The following SORCS2 variants were observed in gnomAD, a reference collection of about 807,000 sequenced individuals.
The protein encoded by SORCS2 is VPS10 domain-containing receptor SorCS2.
In SORCS2, 100 loss-of-function variants were observed where a neutral mutation model predicts 141.6. The ratio of observed to expected loss-of-function variants is 0.71; its 90% CI spans 0.60 to 0.83. The LOEUF (loss-of-function observed/expected upper bound fraction) is 0.83, where lower values mean the gene tolerates loss of function less well. SORCS2 is among the 40% of genes least tolerant of loss of function. The pLI is 0.00. For synonymous variants in SORCS2, 789 were observed against 676.9 expected (o/e 1.17, Z -2.57); for missense variants, 1,646 against 1,560.2 (o/e 1.05, Z -0.93).
intron 2 of SORCS2, among the ~76,000 whole-genome samples, chr4:7,473,079 C>A (rs1168996530): frequency 6.7e-6 from 1 of 148,916 alleles, no homozygotes; most frequent in Non-Finnish European, 1.5e-5. Context: ...TTCCTTGTGG[C>A]CATTGATTAT....
chr4:7,467,529 T>C (rs1273902785), intron 2 of SORCS2, among the ~76,000 whole-genome samples: 2 of 152,242 alleles, frequency 1.3e-5, no homozygotes, highest in African/African-American at 4.8e-5. Context: ...GCAGCTGGGC[T>C]GGAGCCACCC....
At position 7,664,981 on chromosome 4, in the gene SORCS2, A is replaced by G. The variant is rs1354011661; in HGVS notation, c.1071+510A>G. Among the ~76,000 whole-genome samples, 1 of 152,144 alleles carries G rather than the reference A, an allele frequency of 6.6e-6. No homozygotes were observed. The highest frequency in any genetic ancestry group is 1.9e-4 in the East Asian group (1 of 5,186). ...CTTTTCTTCACCTTCATGGATGGGG[A>G]GCTCAGCCCTCCCGAAACAGCCTAG... On this transcript the variant is annotated intron_variant, in intron 7 of 26. Transcript: ENST00000507866. This position sits in a 1 kb window ranked among gnomAD's most constrained non-coding sequence, Gnocchi z 4.7.
At chr4:7,307,785 G>A (rs992129614) in intron 1 of SORCS2, among the ~76,000 whole-genome samples, 1 of 151,946 alleles carries the variant, frequency 6.6e-6, no homozygotes, top group East Asian at 1.9e-4. Context: ...TTGTGCATGA[G>A]TGTGTGTGTG....
chr4:7,490,165 G>A (rs1731231947), intron 2 of SORCS2, among the ~76,000 whole-genome samples: 1 of 152,154 alleles, frequency 6.6e-6, no homozygotes, highest in Non-Finnish European at 1.5e-5. Context: ...GGGCCCAGGG[G>A]CCTCTCCCGG....
At chr4:7,553,423 G>A (rs1349810782) in intron 3 of SORCS2, among the ~76,000 whole-genome samples, 3 of 152,200 alleles carry the variant, frequency 2.0e-5, no homozygotes, top group Admixed American at 6.5e-5. Context: ...TGATAAAATG[G>A]ATTTGAATGT....
At chr4:7,603,987 A>G (rs1046869391) in intron 3 of SORCS2, among the ~76,000 whole-genome samples, 4 of 152,086 alleles carry the variant, frequency 2.6e-5, no homozygotes, top group Admixed American at 2.6e-4. Flanking sequence ...ATGTGTGACT[A>G]TGTTGCGTGT....
chr4:7,654,097 C>T (rs1228510812), intron 4 of SORCS2, 37 bp from the exon 5 acceptor site: 3 of 1,542,148 alleles, frequency 1.9e-6, no homozygotes, highest in South Asian at 1.2e-5. Flanking sequence ...TTCCTGACGT[C>T]CTGACCAAGC....
chr4:7,497,284 G>A (rs1168495964), intron 2 of SORCS2, among the ~76,000 whole-genome samples: 1 of 152,212 alleles, frequency 6.6e-6, no homozygotes, highest in Non-Finnish European at 1.5e-5. Flanking sequence ...CCCTGAGGAG[G>A]GCCTCATTCA....
At chr4:7,255,872 C>A (rs13148049) in intron 1 of SORCS2, among the ~76,000 whole-genome samples, 2,004 of 6,884 alleles carry the variant, frequency 0.29, 137 homozygotes, top group African/African-American at 0.46. Context: ...GAGCGTGGGG[C>A]CCCGGGGCTG....
intron 14 of SORCS2, among the ~76,000 whole-genome samples, chr4:7,712,485 G>A (rs4689832): frequency 0.57 from 86,466 of 152,140 alleles, 25,814 homozygotes; most frequent in South Asian, 0.67. Flanking sequence ...CTCACGCAGT[G>A]CAATTGACAA....
intron 2 of SORCS2, among the ~76,000 whole-genome samples, chr4:7,508,380 T>A (rs140632081): frequency 1.4e-3 from 197 of 141,454 alleles, no homozygotes; most frequent in African/African-American, 4.8e-3. Flanking sequence ...TTTGACACAG[T>A]CTCACTTTGG....
chr4:7,543,631 C>CCCATCCGT (rs569399992), intron 3 of SORCS2, among the ~76,000 whole-genome samples: 1 of 113,636 alleles, frequency 8.8e-6, no homozygotes, highest in Non-Finnish European at 1.9e-5. Flanking sequence ...CATCCATCCA[C>CCCATCCGT]CCATCCGTCC....
At chr4:7,715,149 C>G (rs769156939) in intron 16 of SORCS2, 34 bp from the exon 17 acceptor site, 1 of 1,608,742 alleles carries the variant, frequency 6.2e-7, no homozygotes, top group East Asian at 2.2e-5. Flanking sequence ...CCCACCTGTG[C>G]CCGTCACTTA....
At chr4:7,429,958 C>T (rs544489244) in intron 2 of SORCS2, among the ~76,000 whole-genome samples, 7 of 152,280 alleles carry the variant, frequency 4.6e-5, no homozygotes, top group South Asian at 2.1e-4. Context: ...GAGCCATGCC[C>T]GGCAGGCTGG....
At chr4:7,387,609 GCA>G (rs1491118941) in intron 1 of SORCS2, among the ~76,000 whole-genome samples, 2 of 92,182 alleles carry the variant, frequency 2.2e-5, no homozygotes, top group African/African-American at 1.0e-4. Context: ...AAACGCACAT[GCA>G]CACACATACA....
At chr4:7,690,724 G>A (rs139978597) in intron 11 of SORCS2, among the ~76,000 whole-genome samples, 2 of 152,222 alleles carry the variant, frequency 1.3e-5, no homozygotes, top group East Asian at 1.9e-4. Flanking sequence ...AGATGGGTAG[G>A]TGGATCAATG....
intron 1 of SORCS2, among the ~76,000 whole-genome samples, chr4:7,205,481 A>T (rs1727681014): frequency 6.6e-6 from 1 of 152,242 alleles, no homozygotes; most frequent in Admixed American, 6.5e-5. Flanking sequence ...AGCAGGTGTG[A>T]TGATTTCCAT....
intron 8 of SORCS2, among the ~76,000 whole-genome samples, chr4:7,674,207 T>G (rs1722963486): frequency 6.6e-6 from 1 of 151,936 alleles, no homozygotes; most frequent in Non-Finnish European, 1.5e-5. Context: ...GTGTGTTGAA[T>G]TTCGGTCCAT....
chr4:7,390,240 T>C (rs1037998170), intron 1 of SORCS2, among the ~76,000 whole-genome samples: 2 of 152,222 alleles, frequency 1.3e-5, no homozygotes, highest in Non-Finnish European at 2.9e-5. Flanking sequence ...TGGTGCTTTA[T>C]GTGTATTGAT....
Sources: gnomAD v4.1 joint callset for allele counts (sites outside exome capture counted in the v4.1 genomes callset) on GRCh38, gnomAD v4.1.1 for gene constraint, Gnocchi (gnomAD v3.1) non-coding constraint, MANE v1.5 for transcripts, NCBI Gene and HGNC (gene_info 2026-07-23, HGNC 2026-07-21) for gene names.